PKHD1L1: variants seen among roughly 807,000 people sequenced by gnomAD.
The protein encoded by PKHD1L1 is fibrocystin-L.
Under a neutral mutation model 462.9 loss-of-function variants are expected in PKHD1L1, and 434 were observed. The ratio of observed to expected loss-of-function variants is 0.94; its 90% CI spans 0.87 to 1.02. The LOEUF is 1.02. Among genes scored for constraint, PKHD1L1 ranks in the 50% least tolerant of loss-of-function variants. The pLI is 0.00. For missense variants in PKHD1L1, 5,202 were observed against 5,096.1 expected (o/e 1.02, Z -0.63); for synonymous variants, 1,781 against 1,750.0 (o/e 1.02, Z -0.44).
chr8:109,455,534 A>G (rs1251080508), intron 45 of PKHD1L1, among the ~76,000 whole-genome samples: 3 of 152,108 alleles, frequency 2.0e-5, no homozygotes, highest in African/African-American at 7.2e-5. Context: ...ATGTATTTAT[A>G]TATATAAAAA....
intron 50 of PKHD1L1, chr8:109,470,760 G>T: frequency 6.5e-7 from 1 of 1,542,732 alleles, no homozygotes; most frequent in South Asian, 1.2e-5. Context: ...TGAGTGGTAG[G>T]GAGGACTGTT....
Position 109,535,297 on chromosome 8 carries a change from A to C in PKHD1L1, c.*5207A>C, listed in dbSNP as rs1821122992. Among the ~76,000 whole-genome samples, 1 of 152,158 alleles carries C rather than the reference A, an allele frequency of 6.6e-6. No homozygotes were observed. Among genetic ancestry groups the C allele is most frequent in the African/African-American group, 2.4e-5 (1 of 41,446 alleles). The stretch of plus-strand genomic sequence containing the variant: ...CTTTGGTTTTTCATTACAGTAACTT[A>C]TGCATTTAGGCAGATGATCCTTTAT... On this transcript the variant is annotated 3_prime_UTR_variant, in exon 78 of 78. Transcript: ENST00000378402.
rs1817897945 is a variant in PKHD1L1, at chr8:109,474,869, G to A, written c.8606-249G>A. Among the ~76,000 whole-genome samples, 4 of 152,122 alleles carry A rather than the reference G, an allele frequency of 2.6e-5. No homozygotes were observed. The South Asian group carries it at 8.3e-4, about 32-fold the overall frequency. On this transcript the variant is annotated intron_variant, in intron 50 of 77. Coordinates refer to ENST00000378402, the MANE Select transcript of PKHD1L1 (RefSeq NM_177531.6). Reference sequence around the variant, plus strand: ...TCAATTCAAAATTCCAGGTTTGAAAGCATTTTACTTTCCAGTTAAATATAA... The same window carrying A: ...TCAATTCAAAATTCCAGGTTTGAAAACATTTTACTTTCCAGTTAAATATAA...
At position 109,435,233 on chromosome 8, in the gene PKHD1L1, T is replaced by C. The variant is rs755550349; in HGVS notation, c.3384T>C (p.His1128=). The C allele has an allele frequency of 1.2e-6, 2 of 1,613,874 alleles. No individual in the cohort carries two copies. The highest frequency in any genetic ancestry group is 1.7e-5 in the Admixed American group (1 of 60,016). The change falls in exon 29 of 78, where the codon CAT becomes CAC. Residue 1128 remains histidine, a synonymous_variant. Coordinates refer to ENST00000378402, the MANE Select transcript of PKHD1L1 (RefSeq NM_177531.6). ...AGATTCTGAATGGAAGTGCTGGACA[T>C]GCCCCCGTTGCTGTGTCCATGGCTG... ...KCQILNGSAG[H]APVAVSMADV... is the part of the protein sequence containing the mutation.
Position 109,398,466 on chromosome 8 carries a change from T to G in PKHD1L1, c.930T>G (p.Pro310=). 1 of 1,548,722 alleles carries G rather than the reference T, an allele frequency of 6.5e-7. No homozygotes were observed. The highest frequency in any genetic ancestry group is 8.8e-7 in the Non-Finnish European group (1 of 1,138,906). Reference sequence around the variant, plus strand: ...TATCTTGCTTCTCTATAGGTGAACCTTGTGATATTTTGAATGTCACAGAAA... The same window carrying G: ...TATCTTGCTTCTCTATAGGTGAACCGTGTGATATTTTGAATGTCACAGAAA... The part of the protein sequence containing the change: ...FPVRVLVGGE[P]CDILNVTENS... Residue 310 remains proline (P), a synonymous_variant, in exon 12 of 78, where the codon CCT becomes CCG. Transcript: ENST00000378402.
chr8:109,490,213 G>T (rs1818760696), intron 60 of PKHD1L1, among the ~76,000 whole-genome samples, 158 bp downstream of exon 60: 1 of 151,606 alleles, frequency 6.6e-6, no homozygotes, highest in South Asian at 2.1e-4. Flanking sequence ...TATATAAGCA[G>T]GATTTTATTC....
At position 109,535,649 on chromosome 8, in the gene PKHD1L1, G is replaced by C. The variant is rs1247966255; in HGVS notation, c.*5559G>C. ...GACACATATCCTCCTAAGTGAATTT[G>C]AATTAGACACTGGAAAATTTAAAAA... On this transcript the variant is annotated 3_prime_UTR_variant, in exon 78 of 78. Transcript: ENST00000378402. Among the ~76,000 whole-genome samples, 1 of 152,198 alleles carries C rather than the reference G, an allele frequency of 6.6e-6. No individual in the cohort carries two copies. Among genetic ancestry groups the C allele is most frequent in the Non-Finnish European group, 1.5e-5 (1 of 68,036 alleles).
chr8:109,508,316 T>C, intron 70 of PKHD1L1, 52 bp downstream of exon 70: 1 of 1,499,440 alleles, frequency 6.7e-7, no homozygotes, highest in East Asian at 2.3e-5. Context: ...TGCTTGTTAT[T>C]AAATGCATGA....
rs1296447985 is a variant in PKHD1L1 at position 109,533,523 on chromosome 8, TC to T, written c.*3436del. Among the ~76,000 whole-genome samples, 1 of 152,176 alleles carries T rather than the reference TC, an allele frequency of 6.6e-6. No individual in the cohort carries two copies. Among genetic ancestry groups the T allele is most frequent in the African/African-American group, 2.4e-5 (1 of 41,426 alleles). On this transcript the variant is annotated 3_prime_UTR_variant, in exon 78 of 78. Transcript: ENST00000378402. ...TGGGCCACCTAGAACAAAGACAATT[TC>T]CCAGCTTCACTTGCAGTGAGACTGA...
At chr8:109,465,828 T>C (rs1817412626) in intron 49 of PKHD1L1, among the ~76,000 whole-genome samples, 1 of 152,164 alleles carries the variant, frequency 6.6e-6, no homozygotes, top group Non-Finnish European at 1.5e-5. Flanking sequence ...CCATATACAT[T>C]GTAGGTTAAA....
chr8:109,498,532 T>C lies in PKHD1L1; in HGVS notation c.10670T>C (p.Ile3557Thr). ...GTCCTAACTAATGATGATCCTAATATTGAACTCACTGCTGCTCATCGGAGT... is the reference window on the plus strand; with the variant it reads ...GTCCTAACTAATGATGATCCTAATACTGAACTCACTGCTGCTCATCGGAGT... ...SDVLTNDDPN[I>T]ELTAAHRSPR... is the part of the protein sequence containing the mutation. The change falls in exon 66 of 78, where the codon ATT becomes ACT. Residue 3557 changes from isoleucine (I) to threonine (T), a missense_variant. By Grantham distance (89) the Ile-to-Thr change is moderately conservative (BLOSUM62 -1). Around this residue, in one of 3 missense-constraint regions of PKHD1L1, gnomAD observed 4,497 missense variants for 4,336.8 expected, o/e 1.04. Transcript: ENST00000378402. The C allele has an allele frequency of 6.2e-7, 1 of 1,613,782 alleles. No homozygotes were observed. The highest frequency in any genetic ancestry group is 8.5e-7 in the Non-Finnish European group (1 of 1,179,658).
At chr8:109,380,263 C>T (rs1273221698) in intron 2 of PKHD1L1, among the ~76,000 whole-genome samples, 4 of 152,196 alleles carry the variant, frequency 2.6e-5, no homozygotes, top group Non-Finnish European at 5.9e-5. Context: ...CAGCTGGCTA[C>T]CACCTCAAAA....
chr8:109,471,193 AT>A, intron 50 of PKHD1L1: 1 of 968,512 alleles, frequency 1.0e-6, no homozygotes, highest in Non-Finnish European at 1.5e-6. Context: ...TGTTTAAGTC[AT>A]TTTTTACTTG....
rs200439607 is a variant in PKHD1L1, at chr8:109,451,114, G to T, written c.6315G>T (p.Gly2105=). Reference sequence around the variant, plus strand: ...CTCCTAAGAGAGGCAGTACAGCAGGGGGCACCAGACTGACAGTCGTGGGAT... The same window carrying T: ...CTCCTAAGAGAGGCAGTACAGCAGGTGGCACCAGACTGACAGTCGTGGGAT... ...AVSPKRGSTA[G]GTRLTVVGSG... The change falls in exon 41 of 78, where the codon GGG becomes GGT. Residue 2105 remains glycine, a synonymous_variant. Transcript: ENST00000378402. 1.2e-6 allele frequency: 2 copies of T among 1,612,304 alleles called. No homozygotes were observed. Among genetic ancestry groups the T allele is most frequent in the African/African-American group, 1.3e-5 (1 of 74,992 alleles).
intron 21 of PKHD1L1, among the ~76,000 whole-genome samples, chr8:109,416,374 G>A (rs887610547): frequency 6.6e-6 from 1 of 152,162 alleles, no homozygotes; most frequent in Admixed American, 6.6e-5. Flanking sequence ...AAGAGAGAGA[G>A]AAAAATGCCT....
chr8:109,479,076 G>A (rs2130879731), intron 53 of PKHD1L1, among the ~76,000 whole-genome samples: 1 of 152,098 alleles, frequency 6.6e-6, no homozygotes, highest in African/African-American at 2.4e-5. Flanking sequence ...TAAGAATGAA[G>A]GGCTATGATT....
At chr8:109,373,357 T>C (rs1586372426) in intron 2 of PKHD1L1, among the ~76,000 whole-genome samples, 1 of 152,224 alleles carries the variant, frequency 6.6e-6, no homozygotes, top group Non-Finnish European at 1.5e-5. Context: ...GATATCTCCT[T>C]TGTAATTTTT....
chr8:109,375,467 T>A (rs1454354263), intron 2 of PKHD1L1, among the ~76,000 whole-genome samples: 1 of 151,788 alleles, frequency 6.6e-6, no homozygotes, highest in Non-Finnish European at 1.5e-5. Flanking sequence ...TAGCTCGGAG[T>A]GGTTTGATCT....
At chr8:109,426,035 T>C (rs1455912714) in intron 24 of PKHD1L1, among the ~76,000 whole-genome samples, 1 of 152,152 alleles carries the variant, frequency 6.6e-6, no homozygotes, top group Non-Finnish European at 1.5e-5. Flanking sequence ...TGTACTCCTT[T>C]TTAGTAGTAT....
Sources: gnomAD v4.1 joint callset for allele counts (sites outside exome capture counted in the v4.1 genomes callset) on GRCh38, gnomAD v4.1.1 for gene constraint, gnomAD v4.1.1 regional missense constraint, MANE v1.5 for transcripts, NCBI Gene and HGNC (gene_info 2026-07-23, HGNC 2026-07-21) for gene names.